The following MAX variants were observed in gnomAD, a reference collection of about 807,000 sequenced individuals.
MAX encodes protein max.
Under a neutral mutation model 22.3 loss-of-function variants are expected in MAX, and 3 were observed. That is an observed-to-expected ratio of 0.13 (90% CI 0.06 to 0.35). The LOEUF is 0.35. Among genes scored for constraint, MAX ranks in the 10% least tolerant of loss-of-function variants. The pLI, the probability that MAX is intolerant of heterozygous loss-of-function variation, is 1.00. For synonymous variants in MAX, 72 were observed against 77.7 expected (o/e 0.93, Z 0.39); for missense variants, 119 against 209.4 (o/e 0.57, Z 2.66).
rs2139512596 is a variant in MAX, at chr14:65,012,495, A to G, written c.172-6211T>C. Reference sequence around the variant, plus strand: ...GTTGGGGCTGACCTGTTGCAGAGTCACTCTTTGTTCTCTGTGGCTCTGGCA... The same window carrying G: ...GTTGGGGCTGACCTGTTGCAGAGTCGCTCTTTGTTCTCTGTGGCTCTGGCA... On this transcript the variant is annotated intron_variant, in intron 3 of 3. Coordinates refer to the MAX transcript ENST00000341653. The surrounding 1 kb of genome is among the most constrained non-coding windows in gnomAD (Gnocchi z 5.0). 2 of 1,444,142 alleles carry G rather than the reference A, an allele frequency of 1.4e-6. No homozygotes were observed. The highest frequency in any genetic ancestry group is 9.5e-7 in the Non-Finnish European group (1 of 1,054,770). The allele number at this position is 1,444,142 out of a possible 1,614,324, so 89.5% of individuals were successfully genotyped here. A position where few individuals can be genotyped will look rare whatever the true frequency, so the allele number is the denominator to read the frequency against.
intron 2 of MAX, among the ~76,000 whole-genome samples, chr14:65,097,661 T>C (rs1360661803): frequency 6.6e-6 from 1 of 152,200 alleles, no homozygotes; most frequent in Non-Finnish European, 1.5e-5. Context: ...AAGCTATTCT[T>C]ATTAGAGACT....
intron 3 of MAX, among the ~76,000 whole-genome samples, chr14:65,037,730 TTTATTTATTTA>T (rs1205614401): frequency 2.8e-4 from 22 of 79,158 alleles, no homozygotes; most frequent in South Asian, 9.5e-4. Flanking sequence ...CAGCCTCTTA[TTTATTTATTTA>T]TTATTTATTT....
chr14:65,010,349 A>G (rs1476904713), intron 3 of MAX, among the ~76,000 whole-genome samples: 1 of 152,108 alleles, frequency 6.6e-6, no homozygotes, highest in Non-Finnish European at 1.5e-5. Context: ...TGTGCAGACA[A>G]ATGCTTCGTA....
At chr14:65,050,167 C>T (rs145739210) in intron 3 of MAX, among the ~76,000 whole-genome samples, 83 of 152,244 alleles carry the variant, frequency 5.5e-4, no homozygotes, top group African/African-American at 1.9e-3. Context: ...CAGACACCAT[C>T]ATAAGGAAAT....
At chr14:65,053,024 A>G in intron 3 of MAX, 1 of 337,616 alleles carries the variant, frequency 3.0e-6, no homozygotes, top group East Asian at 4.4e-5. Flanking sequence ...TGAAAGTGCC[A>G]CTTTGAATTG....
rs143438632 is a variant in MAX, at chr14:65,063,134, G to A, written c.171+30574C>T. ...CCTGTGGCCTGACCCTCTTGGAGGGGAGAGAAGATGGTGTCCTTAGAGGGC... is the reference window on the plus strand; with the variant it reads ...CCTGTGGCCTGACCCTCTTGGAGGGAAGAGAAGATGGTGTCCTTAGAGGGC... On this transcript the variant is annotated intron_variant, in intron 3 of 3. Coordinates refer to the MAX transcript ENST00000341653. Among the ~76,000 whole-genome samples the A allele has an allele frequency of 3.5e-3, 539 of 152,332 alleles. 2 individuals are homozygous for A. Among genetic ancestry groups the A allele is most frequent in the Admixed American group, 0.011 (167 of 15,308 alleles).
chr14:65,026,794 G>A (rs550576124), intron 3 of MAX, among the ~76,000 whole-genome samples: 51 of 151,960 alleles, frequency 3.4e-4, no homozygotes, highest in African/African-American at 1.1e-3. Flanking sequence ...CCTGGGAGAC[G>A]GATGCTGCAA....
intron 3 of MAX, among the ~76,000 whole-genome samples, chr14:65,039,580 G>C (rs112153870): frequency 2.6e-5 from 4 of 152,164 alleles, no homozygotes; most frequent in African/African-American, 9.6e-5. Flanking sequence ...CTTGCTTTTT[G>C]TTGCCCCTCT....
rs1393814555 is a variant in MAX, at chr14:65,069,185, T to C, written c.171+24523A>G. Among the ~76,000 whole-genome samples, 1 of 152,144 alleles carries C rather than the reference T, an allele frequency of 6.6e-6. No individual in the cohort carries two copies. The highest frequency in any genetic ancestry group is 1.5e-5 in the Non-Finnish European group (1 of 68,006). On this transcript the variant is annotated intron_variant, in intron 3 of 3. Coordinates refer to the MAX transcript ENST00000341653. This position sits in a 1 kb window ranked among gnomAD's most constrained non-coding sequence, Gnocchi z 4.6. ...CAAGGGACCAGTGAAAGTGGTGGAA[T>C]AGAATCGTGACCCAACCTGTGCAGA...
intron 3 of MAX, among the ~76,000 whole-genome samples, chr14:65,020,441 T>C (rs572502022): frequency 1.3e-5 from 2 of 152,244 alleles, no homozygotes; most frequent in East Asian, 3.9e-4. Flanking sequence ...TTGCCTCTTT[T>C]TTTTTTGAGA....
In MAX at chr14:65,027,599, G is replaced by A; in HGVS notation, c.172-21315C>T. Reference sequence around the variant, plus strand: ...GAGGAGGCCTATGACATCATTAACAGGTACAGTGAAAGCCAGCAGTGACAG... The same window carrying A: ...GAGGAGGCCTATGACATCATTAACAAGTACAGTGAAAGCCAGCAGTGACAG... On this transcript the variant is annotated intron_variant, in intron 3 of 3. Transcript: ENST00000341653. The surrounding 1 kb of genome is among the most constrained non-coding windows in gnomAD (Gnocchi z 5.7). The A allele has an allele frequency of 6.2e-7, 1 of 1,614,178 alleles. No individual in the cohort carries two copies. Among genetic ancestry groups the A allele is most frequent in the Non-Finnish European group, 8.5e-7 (1 of 1,180,036 alleles).
At chr14:65,043,106 C>T (rs1006580781) in intron 3 of MAX, among the ~76,000 whole-genome samples, 2 of 152,162 alleles carry the variant, frequency 1.3e-5, no homozygotes, top group Admixed American at 6.5e-5. Flanking sequence ...AGGAAGTACC[C>T]TCCCCTGTAC....
intron 3 of MAX, among the ~76,000 whole-genome samples, chr14:65,050,529 T>A (rs113050716): frequency 6.6e-6 from 1 of 152,120 alleles, no homozygotes; most frequent in African/African-American, 2.4e-5. Flanking sequence ...AGGCAGAGGT[T>A]GCAGTGAGCT....
rs1266515016 is a variant in MAX, at chr14:65,069,624, G to T, written c.171+24084C>A. ...ACCGCCCTATCAAGGGCACAGAGATGAAGGTACATCACAAGGCTGGAGTCC... is the reference window on the plus strand; with the variant it reads ...ACCGCCCTATCAAGGGCACAGAGATTAAGGTACATCACAAGGCTGGAGTCC... On this transcript the variant is annotated intron_variant, in intron 3 of 3. Transcript: ENST00000341653. This position sits in a 1 kb window ranked among gnomAD's most constrained non-coding sequence, Gnocchi z 4.6. Among the ~76,000 whole-genome samples the T allele has an allele frequency of 6.6e-6, 1 of 152,226 alleles. No individual in the cohort carries two copies. Among genetic ancestry groups the T allele is most frequent in the East Asian group, 1.9e-4 (1 of 5,198 alleles).
rs186840682 is a variant in MAX at position 65,030,861 on chromosome 14, G to A, written c.172-24577C>T. On this transcript the variant is annotated intron_variant, in intron 3 of 3. Transcript: ENST00000341653. This position sits in a 1 kb window ranked among gnomAD's most constrained non-coding sequence, Gnocchi z 4.5. ...TTCTTTCTGTTGCCCAGGCAGGAGC[G>A]CAGTGGTGGGATCTTGGCTCACTGC... 1.3e-4 allele frequency among the ~76,000 whole-genome samples: 20 copies of A among 152,222 alleles called. No homozygotes were observed. In the East Asian group the frequency reaches 3.3e-3, roughly 25 times the overall value.
At chr14:65,035,199 CT>C (rs1197140486) in intron 3 of MAX, among the ~76,000 whole-genome samples, 2 of 152,302 alleles carry the variant, frequency 1.3e-5, no homozygotes, top group African/African-American at 4.8e-5. Context: ...GCCCTGACCC[CT>C]GACCCCTGGC....
downstream of MAX, chr14:65,074,983 C>T (rs2063023455): frequency 2.9e-5 from 24 of 818,664 alleles, no homozygotes; most frequent in Non-Finnish European, 3.6e-5. Flanking sequence ...GCAACTCTGG[C>T]TTATGGCTGC....
chr14:65,044,487 C>T lies in MAX; in HGVS notation c.172-38203G>A. On this transcript the variant is annotated intron_variant, in intron 3 of 3. Coordinates refer to the MAX transcript ENST00000341653. The surrounding 1 kb of genome is among the most constrained non-coding windows in gnomAD (Gnocchi z 5.5). ...TCACTTGGGGCTGGATGATTTCCCT[C>T]CACTACTCACAAAGTCTGGAAGCCC... 1 of 1,572,564 alleles carries T rather than the reference C, an allele frequency of 6.4e-7. No homozygotes were observed. Among genetic ancestry groups the T allele is most frequent in the Non-Finnish European group, 8.6e-7 (1 of 1,164,254 alleles).
At chr14:65,068,212 A>G (rs896975265) in intron 3 of MAX, among the ~76,000 whole-genome samples, 1 of 152,114 alleles carries the variant, frequency 6.6e-6, no homozygotes, top group African/African-American at 2.4e-5. Flanking sequence ...AGGCAGGTGG[A>G]TCACTTGAGG....
Sources: gnomAD v4.1 joint callset for allele counts (sites outside exome capture counted in the v4.1 genomes callset) on GRCh38, gnomAD v4.1.1 for gene constraint, Gnocchi (gnomAD v3.1) non-coding constraint, MANE v1.5 for transcripts, NCBI Gene and HGNC (gene_info 2026-07-23, HGNC 2026-07-21) for gene names.